The following THEMIS variants were observed in gnomAD, a reference collection of about 807,000 sequenced individuals.
The protein encoded by THEMIS is thymocyte selection associated, also known as protein THEMIS.
Under a neutral mutation model 52.6 loss-of-function variants are expected in THEMIS, and 37 were observed. That is an observed-to-expected ratio of 0.70 (90% CI 0.54 to 0.93). THEMIS has a LOEUF of 0.93. Among genes scored for constraint, THEMIS ranks in the 40% least tolerant of loss-of-function variants. The pLI is 0.00. For missense variants in THEMIS, 808 were observed against 763.1 expected, an observed-to-expected ratio of 1.06 and a Z score of -0.69; for synonymous variants, 292 against 272.7, an observed-to-expected ratio of 1.07 and a Z score of -0.70.
At chr6:127,837,878 A>G (rs1269402666) in intron 2 of THEMIS, among the ~76,000 whole-genome samples, 1 of 152,144 alleles carries the variant, frequency 6.6e-6, no homozygotes, top group African/African-American at 2.4e-5. Context: ...TCACAAATAT[A>G]GTTGTTAATA....
At chr6:127,819,719 T>C (rs1025611532) in intron 3 of THEMIS, among the ~76,000 whole-genome samples, 1 of 152,050 alleles carries the variant, frequency 6.6e-6, no homozygotes, top group African/African-American at 2.4e-5. Context: ...AAATAAAGAC[T>C]TACTTATGTG....
chr6:127,799,199 T>A (rs1777438933), intron 4 of THEMIS, among the ~76,000 whole-genome samples: 1 of 152,172 alleles, frequency 6.6e-6, no homozygotes, highest in Non-Finnish European at 1.5e-5. Context: ...GCAAGAGAGA[T>A]ACATGGTAAG....
At chr6:127,712,179 CAGTT>C (rs1158821539) in intron 5 of THEMIS, among the ~76,000 whole-genome samples, 1 of 151,856 alleles carries the variant, frequency 6.6e-6, no homozygotes, top group East Asian at 1.9e-4. Context: ...AGATAGTACA[CAGTT>C]AAGCAGAAAA....
At chr6:127,783,916 A>G (rs1776834759) in intron 4 of THEMIS, among the ~76,000 whole-genome samples, 1 of 152,338 alleles carries the variant, frequency 6.6e-6, no homozygotes, top group Middle Eastern at 3.4e-3. Flanking sequence ...AAATCATTCT[A>G]TTATAAAGGC....
chr6:127,865,294 G>C (rs1462995895), intron 1 of THEMIS, among the ~76,000 whole-genome samples: 1 of 152,086 alleles, frequency 6.6e-6, no homozygotes, highest in African/African-American at 2.4e-5. Context: ...AAGGTCCAAA[G>C]TATACAAAAC....
intron 3 of THEMIS, among the ~76,000 whole-genome samples, chr6:127,822,793 G>T (rs959640394): frequency 6.6e-6 from 1 of 152,000 alleles, no homozygotes; most frequent in African/African-American, 2.4e-5. Flanking sequence ...CCATGATTTA[G>T]GTGGGCCTCA....
At chr6:127,830,705 A>T (rs1031255058) in intron 2 of THEMIS, among the ~76,000 whole-genome samples, 2 of 152,070 alleles carry the variant, frequency 1.3e-5, no homozygotes, top group African/African-American at 4.8e-5. Context: ...AATAAAAAAT[A>T]AAAAATAAAA....
chr6:127,896,964 A>G (rs1243384743), intron 1 of THEMIS, among the ~76,000 whole-genome samples: 1 of 151,554 alleles, frequency 6.6e-6, no homozygotes, highest in Non-Finnish European at 1.5e-5. Context: ...ATGTAAGGAT[A>G]GCAAGTAGAT....
At chr6:127,859,903 A>G (rs186420140) in intron 1 of THEMIS, among the ~76,000 whole-genome samples, 3 of 152,150 alleles carry the variant, frequency 2.0e-5, no homozygotes, top group African/African-American at 7.2e-5. Context: ...AACTTTGCTC[A>G]TTATAAATAG....
intron 4 of THEMIS, among the ~76,000 whole-genome samples, chr6:127,770,852 C>A (rs1018486729): frequency 6.6e-6 from 1 of 152,118 alleles, no homozygotes; most frequent in African/African-American, 2.4e-5. Context: ...AGCCAGTTTT[C>A]CCAGAACCAT....
intron 3 of THEMIS, among the ~76,000 whole-genome samples, chr6:127,822,364 A>G (rs1778368811): frequency 6.6e-6 from 1 of 151,984 alleles, no homozygotes; most frequent in South Asian, 2.1e-4. Context: ...TATACTGTGA[A>G]TTTCTATTTT....
intron 5 of THEMIS, among the ~76,000 whole-genome samples, chr6:127,710,511 A>G (rs2114449594): frequency 6.6e-6 from 1 of 152,114 alleles, no homozygotes; most frequent in South Asian, 2.1e-4. Flanking sequence ...TCTAAGAACT[A>G]CAGAGGAGGA....
intron 5 of THEMIS, among the ~76,000 whole-genome samples, chr6:127,711,231 T>C (rs1015119788): frequency 6.6e-6 from 1 of 151,920 alleles, no homozygotes; most frequent in Non-Finnish European, 1.5e-5. Flanking sequence ...TTGAATGGAA[T>C]AGTTGCAAAG....
intron 1 of THEMIS, among the ~76,000 whole-genome samples, chr6:127,874,623 A>G (rs192091005): frequency 7.2e-5 from 11 of 152,312 alleles, no homozygotes; most frequent in African/African-American, 2.6e-4. Context: ...GACCCACAAA[A>G]TTCAAACCAT....
Position 127,813,929 on chromosome 6 carries a change from G to A in THEMIS, c.712C>T (p.Arg238Ter), listed in dbSNP as rs868167768. 5 of 1,525,950 alleles carry A rather than the reference G, an allele frequency of 3.3e-6. No individual in the cohort carries two copies. The highest frequency in any genetic ancestry group is 3.5e-6 in the Non-Finnish European group (4 of 1,140,410). The allele number at this position is 1,525,950 out of a possible 1,614,324, so 94.5% of individuals were successfully genotyped here. Residue 238 changes from arginine to a stop codon, truncating the protein, a stop_gained and splice_region_variant, in exon 4 of 6, where the codon CGA becomes TGA. Coordinates refer to ENST00000368248, the MANE Select transcript of THEMIS (RefSeq NM_001010923.3). LOFTEE classifies it high-confidence loss of function. ...GGGAGGATGCGGATTATATCTTTTC[G>A]AACTAAAAAGAAAAAATAAATCACT... ...VYEIQGVMKF[R>*]KDIIRILPSL...
chr6:127,720,698 G>A lies in THEMIS; in HGVS notation c.1759-875C>T, dbSNP rs531210647. ...AAGTTTCTCCTGTAGACCATATATTGCATGAAATTCATTAAAAGCTTGATT... is the reference window on the plus strand; with the variant it reads ...AAGTTTCTCCTGTAGACCATATATTACATGAAATTCATTAAAAGCTTGATT... On this transcript the variant is annotated intron_variant, in intron 4 of 5. Transcript: ENST00000368248. Among the ~76,000 whole-genome samples, 12 of 152,050 alleles carry A rather than the reference G, an allele frequency of 7.9e-5. No individual in the cohort carries two copies. In the South Asian group the frequency reaches 2.5e-3, roughly 32 times the overall value.
At chr6:127,796,750 C>T (rs1477475862) in intron 4 of THEMIS, among the ~76,000 whole-genome samples, 1 of 152,098 alleles carries the variant, frequency 6.6e-6, no homozygotes, top group Non-Finnish European at 1.5e-5. Flanking sequence ...TGGGTATATA[C>T]AGTATATACC....
chr6:127,900,146 A>G (rs1248851312), intron 1 of THEMIS, among the ~76,000 whole-genome samples: 1 of 151,780 alleles, frequency 6.6e-6, no homozygotes, highest in Non-Finnish European at 1.5e-5. Flanking sequence ...CTATGTATTC[A>G]AACTAACCAT....
intron 1 of THEMIS, among the ~76,000 whole-genome samples, chr6:127,915,611 A>AGG (rs765318453): frequency 2.0e-5 from 3 of 150,766 alleles, no homozygotes; most frequent in Admixed American, 6.6e-5. Context: ...AGAGAGAGAG[A>AGG]GAGAGAGAAC....
Sources: gnomAD v4.1 joint callset for allele counts (sites outside exome capture counted in the v4.1 genomes callset) on GRCh38, gnomAD v4.1.1 for gene constraint, MANE v1.5 for transcripts, NCBI Gene and HGNC (gene_info 2026-07-23, HGNC 2026-07-21) for gene names.